Variants in SLIT3 observed in about 807,000 individuals in gnomAD.
SLIT3 encodes slit homolog 3 protein.
A neutral mutation model predicts 184.0 loss-of-function variants in SLIT3; 68 were observed. That is an observed-to-expected ratio of 0.37 (90% confidence interval 0.30 to 0.45). The LOEUF is 0.45. Among genes scored for constraint, SLIT3 ranks in the 20% least tolerant of loss-of-function variants. The pLI, the probability that SLIT3 is intolerant of heterozygous loss-of-function variation, is 1.00. For missense variants in SLIT3, 1,707 were observed against 2,026.0 expected, an observed-to-expected ratio of 0.84 and a Z score of 3.02; for synonymous variants, 831 against 828.6, an observed-to-expected ratio of 1.00 and a Z score of -0.05.
chr5:169,255,646 G>A (rs1331018385), intron 1 of SLIT3, among the ~76,000 whole-genome samples: 1 of 152,190 alleles, frequency 6.6e-6, no homozygotes, highest in Non-Finnish European at 1.5e-5. Flanking sequence ...CACTTTGGGA[G>A]GCCAAGCCGG....
chr5:168,673,177 C>G lies in SLIT3; in HGVS notation c.3841G>C (p.Gly1281Arg), dbSNP rs1360603111. ...VGINSPLYLG[G>R]IPTSTGLSAL... ...AGGTGGTAGGGAAAGAGGGCATTAC[C>G]TCCAAGGTAGAGGGGGCTGTTGATG... The change falls in exon 33 of 36, where the codon GGC (glycine) becomes CGC (arginine). Residue 1281 changes from glycine to arginine, a missense_variant and splice_region_variant. Transcript: ENST00000519560. The G allele has an allele frequency of 1.2e-6, 2 of 1,613,450 alleles. No individual in the cohort carries two copies. The highest frequency in any genetic ancestry group is 1.7e-6 in the Non-Finnish European group (2 of 1,179,692).
chr5:168,882,928 A>C (rs901369007), intron 5 of SLIT3, among the ~76,000 whole-genome samples: 3 of 152,220 alleles, frequency 2.0e-5, no homozygotes, highest in African/African-American at 7.2e-5. Context: ...TCAGTTGCAC[A>C]AAACATGCCC....
At chr5:168,688,126 G>A (rs971739761) in intron 29 of SLIT3, among the ~76,000 whole-genome samples, 2 of 152,212 alleles carry the variant, frequency 1.3e-5, no homozygotes, top group African/African-American at 4.8e-5. Flanking sequence ...ATGCACCGAG[G>A]GGCTGAGTCA....
chr5:168,893,718 G>A (rs1051681450), intron 4 of SLIT3, among the ~76,000 whole-genome samples: 2 of 152,176 alleles, frequency 1.3e-5, no homozygotes, highest in Non-Finnish European at 2.9e-5. Flanking sequence ...TCTTGTGAGT[G>A]AGGGGGAGGT....
At chr5:168,785,842 A>T in intron 12 of SLIT3, 65 bp downstream of exon 12, 1 of 1,203,166 alleles carries the variant, frequency 8.3e-7, no homozygotes, top group Non-Finnish European at 1.2e-6. Context: ...GCATGGCTCA[A>T]CGTTTTCAGG....
rs1291823520 is a variant in SLIT3, at chr5:168,662,205, TC to T, written c.*4248del. 1.3e-5 allele frequency: 2 copies of T among 152,246 alleles called. No individual in the cohort carries two copies. The highest frequency in any genetic ancestry group is 2.9e-5 in the Non-Finnish European group (2 of 68,060). The allele number at this position is 152,246 out of a possible 1,614,324, so 9.4% of individuals were successfully genotyped here. ...CTTTGGTCTATGATCACCGCATTCT[TC>T]CATTTGTTCGACCCTCAGTTTTCCT... On this transcript the variant is annotated 3_prime_UTR_variant, in exon 36 of 36. Coordinates refer to ENST00000519560, the MANE Select transcript of SLIT3 (RefSeq NM_003062.4).
chr5:169,201,601 G>T (rs1023842546), intron 3 of SLIT3, among the ~76,000 whole-genome samples: 2 of 152,154 alleles, frequency 1.3e-5, no homozygotes, highest in African/African-American at 2.4e-5. Flanking sequence ...CAGTCAGCAA[G>T]GCAATAACAA....
At chr5:168,794,856 G>A (rs4867935) in intron 10 of SLIT3, among the ~76,000 whole-genome samples, 1 of 151,850 alleles carries the variant, frequency 6.6e-6, no homozygotes, top group Non-Finnish European at 1.5e-5. Context: ...TGAGAGCTCA[G>A]GGCTCCCTTC....
intron 8 of SLIT3, among the ~76,000 whole-genome samples, chr5:168,813,286 C>T (rs1757223765): frequency 6.7e-6 from 1 of 149,764 alleles, no homozygotes; most frequent in Middle Eastern, 3.2e-3. Context: ...AAATTTAAAC[C>T]CCCAAATAAA....
chr5:168,721,354 A>G (rs1395515807), intron 23 of SLIT3, among the ~76,000 whole-genome samples: 2 of 152,214 alleles, frequency 1.3e-5, no homozygotes, highest in Non-Finnish European at 2.9e-5. Flanking sequence ...ATATAAGAAT[A>G]ATAACAAGTG....
At chr5:168,821,990 T>A (rs1757549650) in intron 7 of SLIT3, among the ~76,000 whole-genome samples, 1 of 152,222 alleles carries the variant, frequency 6.6e-6, no homozygotes, top group African/African-American at 2.4e-5. Flanking sequence ...TCAAACTTTA[T>A]GAGCATTAAA....
chr5:169,299,765 G>T (rs1767624997), intron 1 of SLIT3, among the ~76,000 whole-genome samples: 1 of 152,168 alleles, frequency 6.6e-6, no homozygotes, highest in African/African-American at 2.4e-5. Context: ...CTCTCCATTC[G>T]CTGCCAAGCC....
chr5:169,291,786 T>C (rs1767368133), intron 1 of SLIT3, among the ~76,000 whole-genome samples: 2 of 152,224 alleles, frequency 1.3e-5, no homozygotes, highest in South Asian at 4.1e-4. Flanking sequence ...AGGGATGACA[T>C]GACTGGGAGT....
rs376602530 is a variant in SLIT3, at chr5:169,177,906, T to C, written c.413+15573A>G. On this transcript the variant is annotated intron_variant, in intron 4 of 35. Coordinates refer to ENST00000519560, the MANE Select transcript of SLIT3 (RefSeq NM_003062.4). ...AGGATGGAATCCTTAGGGAGTCATC[T>C]TCCAATTTTTCCTTCTGATTGCCTC... is the stretch of plus-strand genomic sequence containing the variant. 5.3e-5 allele frequency among the ~76,000 whole-genome samples: 8 copies of C among 152,320 alleles called. 1 individual carries two copies. In the East Asian group the frequency reaches 5.8e-4, roughly 11 times the overall value.
intron 4 of SLIT3, among the ~76,000 whole-genome samples, chr5:169,138,746 C>T (rs928547455): frequency 1.3e-5 from 2 of 152,206 alleles, no homozygotes; most frequent in Admixed American, 6.5e-5. Context: ...CTCATGCCCC[C>T]ACGCATGGCA....
intron 29 of SLIT3, 37 bp downstream of exon 29, chr5:168,692,570 A>C (rs1285118272): frequency 1.4e-6 from 2 of 1,461,174 alleles, no homozygotes; most frequent in African/African-American, 2.8e-5. Flanking sequence ...CAGAGTTTTC[A>C]TGGACTCTGT....
intron 4 of SLIT3, among the ~76,000 whole-genome samples, chr5:169,191,741 T>A (rs1031605925): frequency 1.3e-5 from 2 of 152,096 alleles, no homozygotes; most frequent in African/African-American, 4.8e-5. Flanking sequence ...AGACCTGTTA[T>A]CACCACTTGA....
chr5:169,216,886 G>C (rs758451031), intron 3 of SLIT3, among the ~76,000 whole-genome samples: 6 of 152,124 alleles, frequency 3.9e-5, no homozygotes, highest in Non-Finnish European at 8.8e-5. Context: ...ATTGCTACGG[G>C]GAGATGCGTG....
At chr5:169,263,379 A>C (rs772529187) in intron 1 of SLIT3, among the ~76,000 whole-genome samples, 3 of 151,944 alleles carry the variant, frequency 2.0e-5, no homozygotes, top group Non-Finnish European at 4.4e-5. Flanking sequence ...ATGCAGGTAT[A>C]GTGCCGTGTG....
Sources: allele counts gnomAD v4.1 joint callset (sites outside exome capture counted in the v4.1 genomes callset), GRCh38; gene constraint gnomAD v4.1.1; transcripts MANE v1.5; gene names NCBI Gene and HGNC (gene_info 2026-07-23, HGNC 2026-07-21).